LRRC40: variants seen among roughly 807,000 people sequenced by gnomAD.
LRRC40 encodes the protein leucine-rich repeat-containing protein 40.
Under a neutral mutation model 72.8 loss-of-function variants are expected in LRRC40, and 76 were observed. The ratio of observed to expected loss-of-function variants is 1.04; its 90% CI spans 0.87 to 1.26. The LOEUF is 1.26. Among genes scored for constraint, LRRC40 ranks in the 50% most tolerant of loss-of-function variants. The probability of loss-of-function intolerance (pLI) is 0.00; values close to 1 mark genes in which losing one functional copy is unlikely to be tolerated. For missense variants in LRRC40, 684 were observed against 698.9 expected, an observed-to-expected ratio of 0.98 and a Z score of 0.24; for synonymous variants, 243 against 254.2, an observed-to-expected ratio of 0.96 and a Z score of 0.42.
At chr1:70,178,103 C>CAGGAGACT (rs998271231) in intron 6 of LRRC40, among the ~76,000 whole-genome samples, 23 of 152,296 alleles carry the variant, frequency 1.5e-4, no homozygotes, top group African/African-American at 5.3e-4. Flanking sequence ...TTCTGGTCAA[C>CAGGAGACT]AGGAGACTAC....
At chr1:70,151,267 T>C in intron 12 of LRRC40, 62 bp from the exon 13 acceptor site, 1 of 761,882 alleles carries the variant, frequency 1.3e-6, no homozygotes, top group East Asian at 2.7e-5. Context: ...GTTTAATTTA[T>C]AATTAAAATA....
At chr1:70,159,940 A>G (rs867050281) in intron 9 of LRRC40, among the ~76,000 whole-genome samples, 1 of 152,202 alleles carries the variant, frequency 6.6e-6, no homozygotes, top group Non-Finnish European at 1.5e-5. Flanking sequence ...TTATATGTTA[A>G]GATTTTTTTC....
chr1:70,183,590 C>T (rs979597987), intron 4 of LRRC40, among the ~76,000 whole-genome samples: 1 of 151,856 alleles, frequency 6.6e-6, no homozygotes, highest in Non-Finnish European at 1.5e-5. Flanking sequence ...GGTCTCCTGT[C>T]ATCCACGCTG....
chr1:70,180,975 A>G, intron 5 of LRRC40, 111 bp downstream of exon 5: 1 of 728,698 alleles, frequency 1.4e-6, no homozygotes, highest in Non-Finnish European at 2.0e-6. Context: ...TGCATTTACC[A>G]CTATAAAAAT....
intron 10 of LRRC40, among the ~76,000 whole-genome samples, chr1:70,157,078 G>A (rs1234890860): frequency 6.6e-6 from 1 of 151,740 alleles, no homozygotes; most frequent in Non-Finnish European, 1.5e-5. Context: ...AAACTTCAAC[G>A]GAATGCCAAA....
chr1:70,171,211 G>A (rs1400439349), intron 9 of LRRC40, among the ~76,000 whole-genome samples: 2 of 151,426 alleles, frequency 1.3e-5, no homozygotes, highest in Non-Finnish European at 2.9e-5. Context: ...ATTCAAAACT[G>A]ATCAAAGACC....
chr1:70,148,643 C>T lies in LRRC40; in HGVS notation c.1547G>A (p.Arg516His), dbSNP rs371034866. Residue 516 changes from arginine (R) to histidine (H), a missense_variant, in exon 14 of 15, where the codon CGT (arginine) becomes CAT (histidine). By Grantham distance (29) the Arg-to-His change is conservative. Coordinates refer to ENST00000370952, the MANE Select transcript of LRRC40 (RefSeq NM_017768.5). The part of the protein sequence containing the change: ...RFKMLPEVLY[R>H]IFTLETILIS... Reference sequence around the variant, plus strand: ...CAGAATTGTTTCAAGTGTGAAGATACGATATAGAACTTCAGGTAGCATTTT... The same window carrying T: ...CAGAATTGTTTCAAGTGTGAAGATATGATATAGAACTTCAGGTAGCATTTT... The T allele has an allele frequency of 1.1e-4, 173 of 1,609,296 alleles. No homozygotes were observed. Among genetic ancestry groups the T allele is most frequent in the East Asian group, 1.8e-4 (8 of 44,758 alleles).
chr1:70,146,000 A>T, intron 14 of LRRC40, 95 bp from the exon 15 acceptor site: 1 of 608,352 alleles, frequency 1.6e-6, no homozygotes, highest in South Asian at 2.4e-5. Context: ...AAATTTCTGT[A>T]TTTTTTTTCT....
intron 9 of LRRC40, among the ~76,000 whole-genome samples, chr1:70,170,681 C>T (rs60409157): frequency 0.19 from 28,169 of 152,024 alleles, 2,875 homozygotes; most frequent in East Asian, 0.38. Flanking sequence ...ATAAAACTTA[C>T]AGTCTGAAAA....
At chr1:70,147,533 T>G (rs1190136512) in intron 14 of LRRC40, among the ~76,000 whole-genome samples, 1 of 152,176 alleles carries the variant, frequency 6.6e-6, no homozygotes, top group Non-Finnish European at 1.5e-5. Context: ...ATATATTGAC[T>G]GGTTGCTGAA....
intron 4 of LRRC40, among the ~76,000 whole-genome samples, chr1:70,182,034 A>G (rs1668257972): frequency 6.6e-6 from 1 of 152,044 alleles, no homozygotes; most frequent in African/African-American, 2.4e-5. Context: ...ACCTAACACT[A>G]AACAATTCAT....
intron 13 of LRRC40, among the ~76,000 whole-genome samples, chr1:70,150,015 GGGTTCAA>G (rs1293046873): frequency 2.0e-5 from 3 of 151,896 alleles, no homozygotes; most frequent in African/African-American, 7.3e-5. Flanking sequence ...CTGCCTCCTG[GGGTTCAA>G]GCGATTCTCC....
chr1:70,187,968 A>G (rs1427778731), intron 2 of LRRC40, among the ~76,000 whole-genome samples: 3 of 152,158 alleles, frequency 2.0e-5, no homozygotes, highest in African/African-American at 7.2e-5. Flanking sequence ...TAGAGTTTCA[A>G]TTTCAAAGAA....
chr1:70,166,615 C>T (rs1346940341), intron 9 of LRRC40, among the ~76,000 whole-genome samples: 2 of 151,498 alleles, frequency 1.3e-5, no homozygotes, highest in Non-Finnish European at 2.9e-5. Context: ...TAGTATAGTG[C>T]CACAGTACTT....
chr1:70,161,194 C>G (rs1021935494), intron 9 of LRRC40, among the ~76,000 whole-genome samples: 6 of 151,442 alleles, frequency 4.0e-5, no homozygotes, highest in Non-Finnish European at 7.4e-5. Context: ...ACGCCATTCT[C>G]CTGCCTCAGC....
intron 13 of LRRC40, among the ~76,000 whole-genome samples, chr1:70,150,542 T>C (rs147794246): frequency 6.6e-6 from 1 of 152,230 alleles, no homozygotes; most frequent in Non-Finnish European, 1.5e-5. Context: ...ATCTTGATAG[T>C]GTTTGCAGAA....
At chr1:70,158,811 T>C (rs1667695278) in intron 10 of LRRC40, among the ~76,000 whole-genome samples, 1 of 152,124 alleles carries the variant, frequency 6.6e-6, no homozygotes, top group Non-Finnish European at 1.5e-5. Flanking sequence ...CCCACCAATA[T>C]GAAATTCTCT....
chr1:70,145,113 A>C lies in LRRC40; in HGVS notation c.*687T>G, dbSNP rs983471075. ...TTTAGTCTTACCAAGATTGCAAGTAAATTTTAAAATTATGGTGCTGTAAAT... is the reference window on the plus strand; with the variant it reads ...TTTAGTCTTACCAAGATTGCAAGTACATTTTAAAATTATGGTGCTGTAAAT... On this transcript the variant is annotated 3_prime_UTR_variant, in exon 15 of 15. Transcript: ENST00000370952. The C allele has an allele frequency of 1.3e-5, 2 of 152,298 alleles. No homozygotes were observed. The highest frequency in any genetic ancestry group is 1.9e-4 in the East Asian group (1 of 5,184). The allele number at this position is 152,298 out of a possible 1,614,324, so 9.4% of individuals were successfully genotyped here.
At chr1:70,175,231 AC>A (rs1393180165) in intron 7 of LRRC40, among the ~76,000 whole-genome samples, 1 of 152,178 alleles carries the variant, frequency 6.6e-6, no homozygotes, top group African/African-American at 2.4e-5. Context: ...ATTGTAAGGC[AC>A]CCTTGAATGT....
Sources: gnomAD v4.1 joint callset for allele counts (sites outside exome capture counted in the v4.1 genomes callset) on GRCh38, gnomAD v4.1.1 for gene constraint, MANE v1.5 for transcripts, NCBI Gene and HGNC (gene_info 2026-07-23, HGNC 2026-07-21) for gene names.